CUX1: variants seen among roughly 807,000 people sequenced by gnomAD.
CUX1 encodes the protein protein CASP.
CUX1 carries 31 observed loss-of-function variants against 158.8 expected under a neutral mutation model. That is an observed-to-expected ratio of 0.20 (90% CI 0.15 to 0.26). The LOEUF is 0.26. Ranked by LOEUF, CUX1 falls within the 10% of genes least tolerant of loss-of-function variation. CUX1 has a pLI of 1.00. For synonymous variants in CUX1, 879 were observed against 862.1 expected, an observed-to-expected ratio of 1.02 and a Z score of -0.34; for missense variants, 1,589 against 2,014.6, an observed-to-expected ratio of 0.79 and a Z score of 4.04.
At position 102,250,964 on chromosome 7, in the gene CUX1, A is replaced by G. The variant is rs1801451136; in HGVS notation, c.*1922A>G. 2 of 933,362 alleles carry G rather than the reference A, an allele frequency of 2.1e-6. No homozygotes were observed. The highest frequency in any genetic ancestry group is 1.8e-5 in the African/African-American group (1 of 56,202). The allele number at this position is 933,362 out of a possible 1,614,324, so 57.8% of individuals were successfully genotyped here. On this transcript the variant is annotated 3_prime_UTR_variant, in exon 24 of 24. Transcript: ENST00000292535. The stretch of plus-strand genomic sequence containing the variant: ...TAAACTAACAATAGATGATTTCGGT[A>G]TATATATATATTTTTTTTTGCTTAT...
intron 2 of CUX1, among the ~76,000 whole-genome samples, chr7:101,984,089 A>AAAAAAAAAAAAAAAAAAAT (rs1221503978): frequency 3.4e-5 from 1 of 29,842 alleles, no homozygotes; most frequent in Non-Finnish European, 7.0e-5. Flanking sequence ...AAAAAAAAAA[A>AAAAAAAAAAAAAAAAAAAT]ATATATATAT....
rs782244044 is a variant in CUX1 at position 102,248,511 on chromosome 7, G to A, written c.3987G>A (p.Ala1329=). ...CACCCTCGGCCCGCAGCGGCCGGGCGGCGCCCAGCTCGGAGGGCGACAGCT... is the reference window on the plus strand; with the variant it reads ...CACCCTCGGCCCGCAGCGGCCGGGCAGCGCCCAGCTCGGAGGGCGACAGCT... ...SDSPSARSGR[A]APSSEGDSCD... is the part of the protein sequence containing the mutation. Residue 1329 remains alanine, a synonymous_variant, in exon 24 of 24, where the codon GCG becomes GCA. Coordinates refer to ENST00000292535, the MANE Select transcript of CUX1 (RefSeq NM_181552.4). The surrounding 1 kb of genome is among the most constrained non-coding windows in gnomAD (Gnocchi z 5.8). 2.0e-5 allele frequency: 31 copies of A among 1,551,566 alleles called. No individual in the cohort carries two copies. The highest frequency in any genetic ancestry group is 8.3e-5 in the African/African-American group (6 of 72,522).
intron 1 of CUX1, among the ~76,000 whole-genome samples, chr7:101,852,724 T>G (rs967335804): frequency 5.8e-5 from 8 of 137,622 alleles, no homozygotes; most frequent in Middle Eastern, 7.5e-3. Flanking sequence ...TTGCCCATGC[T>G]GGAGTGCAAT....
chr7:101,866,344 G>A (rs902393479), intron 1 of CUX1, among the ~76,000 whole-genome samples: 2 of 151,984 alleles, frequency 1.3e-5, no homozygotes, highest in African/African-American at 2.4e-5. Context: ...GGTAGTGCAC[G>A]CCTGTATTTC....
chr7:102,233,834 A>T (rs1554531607), intron 21 of CUX1, among the ~76,000 whole-genome samples: 1 of 152,162 alleles, frequency 6.6e-6, no homozygotes, highest in African/African-American at 2.4e-5. Context: ...GTGTGTACGG[A>T]GAATGCAAGA....
intron 1 of CUX1, among the ~76,000 whole-genome samples, chr7:101,846,027 G>A (rs751912375): frequency 1.3e-4 from 19 of 151,756 alleles, no homozygotes; most frequent in Non-Finnish European, 2.6e-4. Context: ...AAGAAAAAAT[G>A]CAGGCTCTCA....
chr7:102,183,347 G>C (rs1254735988), intron 11 of CUX1, among the ~76,000 whole-genome samples: 10 of 151,680 alleles, frequency 6.6e-5, no homozygotes, highest in Admixed American at 6.6e-4. Context: ...TAATGAGCCA[G>C]AGTGGTGGCA....
chr7:101,982,423 T>C (rs1185565592), intron 2 of CUX1, among the ~76,000 whole-genome samples: 1 of 152,112 alleles, frequency 6.6e-6, no homozygotes, highest in African/African-American at 2.4e-5. Flanking sequence ...TTCTTTTTTT[T>C]TTCTTTTTTT....
intron 3 of CUX1, among the ~76,000 whole-genome samples, chr7:102,043,266 A>T (rs1822327507): frequency 1.3e-5 from 2 of 151,702 alleles, no homozygotes; most frequent in South Asian, 4.2e-4. Flanking sequence ...TGATGTTTTG[A>T]TACATGCATA....
In CUX1 at chr7:102,201,516, T is replaced by A; in HGVS notation, c.2219T>A (p.Ile740Asn). 6.2e-7 allele frequency: 1 copy of A among 1,613,996 alleles called. No homozygotes were observed. The highest frequency in any genetic ancestry group is 8.5e-7 in the Non-Finnish European group (1 of 1,179,984). ...QAPLSQSDIT[I>N]LTPKLLSTSP... ...CCACTGTCCCAGAGTGACATCACCA[T>A]CCTCACCCCCAAGCTTCTGTCCACC... Residue 740 changes from isoleucine (I) to asparagine (N), a missense_variant, in exon 18 of 24, where the codon ATC becomes AAC. Ile to Asn is a moderately radical substitution (Grantham distance 149, BLOSUM62 -3). Transcript: ENST00000292535. The surrounding 1 kb of genome is among the most constrained non-coding windows in gnomAD (Gnocchi z 5.0).
intron 1 of CUX1, among the ~76,000 whole-genome samples, chr7:101,844,539 T>C (rs1795491495): frequency 6.6e-6 from 1 of 152,180 alleles, no homozygotes; most frequent in Non-Finnish European, 1.5e-5. Flanking sequence ...TTCTTACTGC[T>C]TTGGAGGGAA....
chr7:101,853,426 C>G (rs1398321830), intron 1 of CUX1, among the ~76,000 whole-genome samples: 1 of 152,090 alleles, frequency 6.6e-6, no homozygotes, highest in African/African-American at 2.4e-5. Flanking sequence ...ATGCTTAAAC[C>G]CAGTTGTGCG....
intron 4 of CUX1, among the ~76,000 whole-genome samples, chr7:102,088,001 C>CTT (rs147066918): frequency 1.4e-5 from 2 of 143,902 alleles, no homozygotes; most frequent in East Asian, 2.0e-4. Context: ...TAATCTCACC[C>CTT]TTTTTTTTTT....
chr7:102,073,720 A>T (rs1003534811), intron 4 of CUX1, among the ~76,000 whole-genome samples: 3 of 152,304 alleles, frequency 2.0e-5, no homozygotes, highest in Admixed American at 1.3e-4. Flanking sequence ...TGATCATAGC[A>T]TGGGTATATA....
At position 102,256,966 on chromosome 7, in the gene CUX1, G is replaced by A. The variant is rs1789965147; in HGVS notation, c.*7924G>A. 23 of 985,340 alleles carry A rather than the reference G, an allele frequency of 2.3e-5. No individual in the cohort carries two copies. The highest frequency in any genetic ancestry group is 2.8e-5 in the Non-Finnish European group (23 of 829,958). The allele number at this position is 985,340 out of a possible 1,614,324, so 61.0% of individuals were successfully genotyped here. A position where few individuals can be genotyped will look rare whatever the true frequency, so the allele number is the denominator to read the frequency against. On this transcript the variant is annotated 3_prime_UTR_variant, in exon 24 of 24. Transcript: ENST00000292535. ...CTGTGGCTTGAGGGCTCACCTAGGAGATCATAGGCAGAGGGCCCCTTTCCC... is the reference window on the plus strand; with the variant it reads ...CTGTGGCTTGAGGGCTCACCTAGGAAATCATAGGCAGAGGGCCCCTTTCCC...
intron 8 of CUX1, among the ~76,000 whole-genome samples, chr7:102,150,355 C>T (rs1835501792): frequency 6.6e-6 from 1 of 152,138 alleles, no homozygotes; most frequent in South Asian, 2.1e-4. Flanking sequence ...AGGGTTTCAT[C>T]ATGTTAGCCA....
chr7:102,044,461 A>T (rs1220797659), intron 3 of CUX1, among the ~76,000 whole-genome samples: 1 of 151,010 alleles, frequency 6.6e-6, no homozygotes, highest in South Asian at 2.1e-4. Context: ...AAGTGCCGGG[A>T]TTACAGGTGT....
rs1554518649 is a variant in CUX1 at position 102,197,257 on chromosome 7, G to A, written c.1846G>A (p.Asp616Asn). 1.6e-5 allele frequency: 26 copies of A among 1,614,010 alleles called. No individual in the cohort carries two copies. The highest frequency in any genetic ancestry group is 2.2e-5 in the East Asian group (1 of 44,902). ...TCACAAGATGAAACAGTTCCTCTCC[G>A]ATGAGCAGAACATCCTGGCCCTCCG... ...PFHKMKQFLSDEQNILALRSI... is the reference protein window; with the variant it reads ...PFHKMKQFLSNEQNILALRSI... Residue 616 changes from aspartate (D) to asparagine (N), a missense_variant, in exon 15 of 24, where the codon GAT (aspartate) becomes AAT (asparagine). Asp to Asn is a conservative substitution (Grantham distance 23, BLOSUM62 1). Coordinates refer to ENST00000292535, the MANE Select transcript of CUX1 (RefSeq NM_181552.4).
At chr7:102,116,103 G>A (rs1554491729) in intron 8 of CUX1, among the ~76,000 whole-genome samples, 2 of 152,260 alleles carry the variant, frequency 1.3e-5, no homozygotes, top group East Asian at 1.9e-4. Context: ...CGTGGGCATC[G>A]GCAAGAAGAC....
Sources: allele counts gnomAD v4.1 joint callset (sites outside exome capture counted in the v4.1 genomes callset), GRCh38; gene constraint gnomAD v4.1.1; non-coding constraint Gnocchi (gnomAD v3.1); transcripts MANE v1.5; gene names NCBI Gene and HGNC (gene_info 2026-07-23, HGNC 2026-07-21).